VPS37A: variants seen among roughly 807,000 people sequenced by gnomAD.
VPS37A encodes VPS37A subunit of ESCRT-I, also known as vacuolar protein sorting-associated protein 37A.
Under a neutral mutation model 49.8 loss-of-function variants are expected in VPS37A, and 30 were observed. The ratio of observed to expected loss-of-function variants is 0.60; its 90% confidence interval spans 0.45 to 0.82. The LOEUF is 0.82. VPS37A is among the 40% of genes least tolerant of loss of function. The probability of loss-of-function intolerance (pLI) is 0.00; values close to 1 mark genes in which losing one functional copy is unlikely to be tolerated. For synonymous variants in VPS37A, 195 were observed against 160.6 expected (o/e 1.21, Z -1.62); for missense variants, 593 against 464.4 (o/e 1.28, Z -2.55).
chr8:17,287,740 A>G (rs1438634272), intron 11 of VPS37A, among the ~76,000 whole-genome samples: 1 of 152,156 alleles, frequency 6.6e-6, no homozygotes, highest in Non-Finnish European at 1.5e-5. Context: ...ATCATCTGAC[A>G]GTTCAGACAG....
chr8:17,305,242 A>T (rs1423594894), downstream of VPS37A, among the ~76,000 whole-genome samples: 2 of 152,226 alleles, frequency 1.3e-5, no homozygotes, highest in South Asian at 2.1e-4. Flanking sequence ...ATGAAAATTT[A>T]AAAAATGTTC....
chr8:17,277,119 CT>C (rs1332694489), intron 6 of VPS37A, among the ~76,000 whole-genome samples: 1 of 151,760 alleles, frequency 6.6e-6, no homozygotes, highest in Non-Finnish European at 1.5e-5. Flanking sequence ...TTTTGCAGTC[CT>C]TTTTGTCTTT....
chr8:17,316,320 CTTTT>C, the VPS37A span, among the ~76,000 whole-genome samples: 7 of 151,806 alleles, frequency 4.6e-5, no homozygotes, highest in Non-Finnish European at 7.4e-5. Context: ...TTTTATCCAA[CTTTT>C]TTTAGATATC....
intron 1 of VPS37A, 45 bp downstream of exon 1, chr8:17,247,414 A>AGGGGGGGGGG: frequency 1.5e-5 from 1 of 65,306 alleles, no homozygotes. Context: ...GTAGGGTGGG[A>AGGGGGGGGGG]GGGCGGGCTT....
chr8:17,263,682 T>G (rs1813172234), intron 1 of VPS37A, among the ~76,000 whole-genome samples: 1 of 152,162 alleles, frequency 6.6e-6, no homozygotes. Context: ...TCTGAAAAAC[T>G]GAGGAGTTAA....
intron 4 of VPS37A, among the ~76,000 whole-genome samples, chr8:17,269,210 C>T (rs1213073678): frequency 1.3e-5 from 2 of 152,042 alleles, no homozygotes; most frequent in African/African-American, 4.8e-5. Context: ...TGTTGGCCTC[C>T]TATTGTAATA....
At chr8:17,309,223 T>G in the VPS37A span, 2 of 1,186,020 alleles carry the variant, frequency 1.7e-6, no homozygotes, top group Non-Finnish European at 2.5e-6. Flanking sequence ...ATTGAAATTT[T>G]CAGAAACAGT....
At chr8:17,311,663 T>TC in the VPS37A span, 30 of 1,613,024 alleles carry the variant, frequency 1.9e-5, no homozygotes, top group Non-Finnish European at 2.4e-5. Context: ...CCGCAAAGAG[T>TC]CACAAAGAAT....
intron 11 of VPS37A, among the ~76,000 whole-genome samples, chr8:17,291,443 T>C (rs1816144014): frequency 6.6e-6 from 1 of 151,986 alleles, no homozygotes; most frequent in South Asian, 2.1e-4. Context: ...TTTTTTTTTT[T>C]TTTTGAAGGG....
Position 17,274,763 on chromosome 8 carries a change from T to G in VPS37A, c.447T>G (p.Pro149=). The change falls in exon 5 of 12, where the codon CCT becomes CCG. Residue 149 remains proline (P), a synonymous_variant. Transcript: ENST00000324849. The stretch of plus-strand genomic sequence containing the variant: ...ACAGTAACCCAAGTGGGATGTCTCC[T>G]TATGCTTCTCAGGGTTTTCCATTTC... ...YLYSNPSGMS[P]YASQGFPFLP... 6.2e-7 allele frequency: 1 copy of G among 1,614,198 alleles called. No homozygotes were observed. The highest frequency in any genetic ancestry group is 2.2e-5 in the East Asian group (1 of 44,876).
chr8:17,280,197 T>C (rs1320224145), intron 7 of VPS37A, 42 bp downstream of exon 7: 2 of 1,610,910 alleles, frequency 1.2e-6, no homozygotes, highest in East Asian at 4.5e-5. Flanking sequence ...CTGAAAAAAA[T>C]CTCATCTTTA....
At chr8:17,271,080 G>T (rs1813940829) in intron 4 of VPS37A, among the ~76,000 whole-genome samples, 1 of 151,950 alleles carries the variant, frequency 6.6e-6, no homozygotes, top group African/African-American at 2.4e-5. Context: ...TGGGCACATT[G>T]TTTTTTTTAT....
chr8:17,272,346 T>C (rs1215922323), intron 4 of VPS37A, among the ~76,000 whole-genome samples: 2 of 152,172 alleles, frequency 1.3e-5, no homozygotes, highest in African/African-American at 2.4e-5. Context: ...ATCTTTTTCT[T>C]CCTGTTTTCT....
intron 1 of VPS37A, among the ~76,000 whole-genome samples, chr8:17,253,862 A>G (rs1206408673): frequency 2.6e-5 from 4 of 152,226 alleles, no homozygotes; most frequent in Non-Finnish European, 5.9e-5. Context: ...AAAGTGGATC[A>G]GCATTCTCCA....
At chr8:17,302,073 G>C (rs1390869670), downstream of VPS37A, 2 of 1,569,820 alleles carry the variant, frequency 1.3e-6, no homozygotes, top group South Asian at 1.1e-5. Context: ...GTATTGCACT[G>C]AATCTTAAGA....
chr8:17,323,253 A>T, the VPS37A span, among the ~76,000 whole-genome samples: 2,850 of 152,106 alleles, frequency 0.019, 42 homozygotes, highest in Non-Finnish European at 0.03. Flanking sequence ...AGCCAACAGA[A>T]TTATCTTGAT....
At chr8:17,290,127 C>T (rs1268814668) in intron 11 of VPS37A, among the ~76,000 whole-genome samples, 1 of 152,212 alleles carries the variant, frequency 6.6e-6, no homozygotes, top group African/African-American at 2.4e-5. Flanking sequence ...CCTAAATATA[C>T]AATCGGGTCA....
intron 1 of VPS37A, among the ~76,000 whole-genome samples, chr8:17,251,993 T>C (rs139916050): frequency 6.6e-6 from 1 of 152,312 alleles, no homozygotes; most frequent in East Asian, 1.9e-4. Context: ...CTTGTTTCTA[T>C]AGAATTCATT....
At chr8:17,301,968 C>T (rs1817146283), downstream of VPS37A, 3 of 649,944 alleles carry the variant, frequency 4.6e-6, no homozygotes, top group South Asian at 5.1e-5. Context: ...GTGTGAAATG[C>T]ATTAAATGCC....
Sources: allele counts gnomAD v4.1 joint callset (sites outside exome capture counted in the v4.1 genomes callset), GRCh38; gene constraint gnomAD v4.1.1; transcripts MANE v1.5; gene names NCBI Gene and HGNC (gene_info 2026-07-23, HGNC 2026-07-21).